Variants in GLMN observed in about 807,000 individuals in gnomAD.
The protein encoded by GLMN is glomulin, FKBP associated protein.
GLMN carries 75 observed loss-of-function variants against 87.8 expected under a neutral mutation model. The ratio of observed to expected loss-of-function variants is 0.85; its 90% CI spans 0.71 to 1.04. The LOEUF is 1.04. Among genes scored for constraint, GLMN ranks in the 50% least tolerant of loss-of-function variants. The pLI, the probability that GLMN is intolerant of heterozygous loss-of-function variation, is 0.00. For synonymous variants in GLMN, 206 were observed against 221.6 expected (o/e 0.93, Z 0.63); for missense variants, 588 against 658.8 (o/e 0.89, Z 1.18).
At chr1:92,337,936 T>C in the GLMN span, among the ~76,000 whole-genome samples, 1 of 152,206 alleles carries the variant, frequency 6.6e-6, no homozygotes, top group African/African-American at 2.4e-5. Context: ...TTAGATTATT[T>C]AAATTTTTAT....
chr1:92,315,123 A>G, the GLMN span, among the ~76,000 whole-genome samples: 1 of 152,206 alleles, frequency 6.6e-6, no homozygotes, highest in African/African-American at 2.4e-5. Context: ...AAAAAAAAAA[A>G]AATTTAAAGG....
At chr1:92,324,865 T>C in the GLMN span, among the ~76,000 whole-genome samples, 1 of 152,310 alleles carries the variant, frequency 6.6e-6, no homozygotes. Context: ...TGGGAAATAA[T>C]GGACAAAGAG....
chr1:92,282,674 C>G (rs890830979), intron 7 of GLMN, among the ~76,000 whole-genome samples: 4 of 152,030 alleles, frequency 2.6e-5, no homozygotes, highest in Admixed American at 6.5e-5. Flanking sequence ...CAAAAAAAAT[C>G]AATGAATCCA....
chr1:92,271,110 G>C (rs1656192405), intron 8 of GLMN, among the ~76,000 whole-genome samples: 1 of 152,150 alleles, frequency 6.6e-6, no homozygotes, highest in South Asian at 2.1e-4. Context: ...AGTAAAAGTA[G>C]ATATATAAAT....
At chr1:92,339,648 G>A in the GLMN span, among the ~76,000 whole-genome samples, 1 of 151,314 alleles carries the variant, frequency 6.6e-6, no homozygotes, top group Non-Finnish European at 1.5e-5. Context: ...CTACATCTAA[G>A]GACCTCTTTA....
At chr1:92,329,238 C>A in the GLMN span, among the ~76,000 whole-genome samples, 1 of 152,182 alleles carries the variant, frequency 6.6e-6, no homozygotes, top group African/African-American at 2.4e-5. Context: ...AGTCCTTTGT[C>A]TTCGGCTACC....
the GLMN span, among the ~76,000 whole-genome samples, chr1:92,348,667 A>G: frequency 3.3e-5 from 5 of 152,232 alleles, no homozygotes; most frequent in African/African-American, 1.2e-4. Context: ...GGCTCAACTG[A>G]TAGACTTTTT....
At chr1:92,262,307 T>C (rs1655148100) in intron 16 of GLMN, among the ~76,000 whole-genome samples, 1 of 152,176 alleles carries the variant, frequency 6.6e-6, no homozygotes, top group South Asian at 2.1e-4. Context: ...GCAAATATAA[T>C]TTTACTGTAT....
chr1:92,304,041 GTGGTTAT>G, the GLMN span: 5 of 1,612,850 alleles, frequency 3.1e-6, no homozygotes, highest in Non-Finnish European at 4.2e-6. Context: ...GTCAAACTCT[GTGGTTAT>G]CCTTTATGTC....
At chr1:92,293,406 C>T (rs533391915) in intron 3 of GLMN, among the ~76,000 whole-genome samples, 19 of 152,112 alleles carry the variant, frequency 1.2e-4, no homozygotes, top group African/African-American at 2.7e-4. Context: ...CCTGGGTTCA[C>T]GTCATTCTCC....
intron 4 of GLMN, among the ~76,000 whole-genome samples, chr1:92,291,190 G>A (rs1216321678): frequency 3.3e-5 from 5 of 152,176 alleles, no homozygotes; most frequent in African/African-American, 4.8e-5. Context: ...CAATGGGTCC[G>A]ATATGAGGTT....
upstream of GLMN, chr1:92,301,720 A>G (rs1328313170): frequency 2.3e-6 from 1 of 431,338 alleles, no homozygotes; most frequent in Non-Finnish European, 4.1e-6. Context: ...AACAATCCAT[A>G]TAATTCATGC....
At chr1:92,312,828 TTTTC>T in the GLMN span, among the ~76,000 whole-genome samples, 1 of 152,082 alleles carries the variant, frequency 6.6e-6, no homozygotes, top group South Asian at 2.1e-4. Flanking sequence ...TTTTTTCCTT[TTTTC>T]TTTTTTTCAG....
the GLMN span, chr1:92,304,186 T>A: frequency 6.3e-6 from 7 of 1,107,412 alleles, no homozygotes; most frequent in Non-Finnish European, 8.1e-6. Flanking sequence ...AAGGCATGGA[T>A]TGGCCAATGA....
At chr1:92,256,261 T>C (rs1243151918) in intron 16 of GLMN, among the ~76,000 whole-genome samples, 1 of 151,638 alleles carries the variant, frequency 6.6e-6, no homozygotes, top group Non-Finnish European at 1.5e-5. Flanking sequence ...CAGTAATTAA[T>C]AGCCTACAAT....
intron 16 of GLMN, among the ~76,000 whole-genome samples, chr1:92,256,331 G>A (rs537186976): frequency 1.3e-5 from 2 of 152,064 alleles, no homozygotes; most frequent in Non-Finnish European, 2.9e-5. Flanking sequence ...GGTACAAAGA[G>A]GAGGTGGTAC....
chr1:92,319,846 A>G, the GLMN span, among the ~76,000 whole-genome samples: 7 of 152,094 alleles, frequency 4.6e-5, no homozygotes, highest in Non-Finnish European at 1.0e-4. Context: ...TAAAAATACA[A>G]AACTAGTTGG....
At chr1:92,324,460 G>T in the GLMN span, 1 of 1,032,816 alleles carries the variant, frequency 9.7e-7, no homozygotes, top group South Asian at 1.6e-5. Context: ...GAAGGATATT[G>T]AAGAGTTAAT....
At chr1:92,255,676 G>A (rs1186231985) in intron 16 of GLMN, among the ~76,000 whole-genome samples, 5 of 152,110 alleles carry the variant, frequency 3.3e-5, no homozygotes, top group African/African-American at 9.7e-5. Flanking sequence ...GGTAAATAAC[G>A]AAATTAAGGC....
Sources: gnomAD v4.1 joint callset for allele counts (sites outside exome capture counted in the v4.1 genomes callset) on GRCh38, gnomAD v4.1.1 for gene constraint, MANE v1.5 for transcripts, NCBI Gene and HGNC (gene_info 2026-07-23, HGNC 2026-07-21) for gene names.